Variants in VSX2 observed in about 807,000 individuals in gnomAD.
The protein encoded by VSX2 is ceh-10 homeo domain containing homolog.
A neutral mutation model predicts 32.1 loss-of-function variants in VSX2; 28 were observed. The ratio of observed to expected loss-of-function variants is 0.87; its 90% CI spans 0.65 to 1.20. The LOEUF (loss-of-function observed/expected upper bound fraction) is 1.20. Ranked by LOEUF, VSX2 falls within the 50% of genes most tolerant of loss-of-function variation. The pLI, the probability that VSX2 is intolerant of heterozygous loss-of-function variation, is 0.00. For missense variants in VSX2, 506 were observed against 488.7 expected, an observed-to-expected ratio of 1.04 and a Z score of -0.33; for synonymous variants, 243 against 214.1, an observed-to-expected ratio of 1.14 and a Z score of -1.18.
chr14:74,258,462 C>T (rs1356168957), intron 3 of VSX2, among the ~76,000 whole-genome samples: 2 of 152,114 alleles, frequency 1.3e-5, no homozygotes, highest in Non-Finnish European at 2.9e-5. Flanking sequence ...AGGAAATGAA[C>T]AGATTTCCCA....
chr14:74,259,694 C>T lies in VSX2; in HGVS notation c.672C>T (p.Ala224=). The T allele has an allele frequency of 6.2e-7, 1 of 1,614,086 alleles. No homozygotes were observed. Among genetic ancestry groups the T allele is most frequent in the South Asian group, 1.1e-5 (1 of 91,072 alleles). Residue 224 remains alanine (A), a synonymous_variant, in exon 4 of 5, where the codon GCC becomes GCT. Coordinates refer to ENST00000261980, the MANE Select transcript of VSX2 (RefSeq NM_182894.3). ...TGGCGGAGTATGGGCTCTACGGGGC[C>T]ATGGTGCGGCACTCCATCCCCCTGC... ...SVMAEYGLYG[A]MVRHSIPLPE...
At chr14:74,249,146 C>T (rs2079214024) in intron 3 of VSX2, among the ~76,000 whole-genome samples, 1 of 152,220 alleles carries the variant, frequency 6.6e-6, no homozygotes. Context: ...TGAAATTACT[C>T]ATTTGTAAGA....
chr14:74,254,940 C>T (rs951597655), intron 3 of VSX2, among the ~76,000 whole-genome samples: 8 of 152,022 alleles, frequency 5.3e-5, no homozygotes, highest in African/African-American at 9.7e-5. Context: ...CCACCACACC[C>T]GGCTAATTTT....
intron 3 of VSX2, among the ~76,000 whole-genome samples, chr14:74,250,704 A>AT (rs398118379): frequency 0.37 from 56,293 of 150,424 alleles, 12,993 homozygotes; most frequent in Non-Finnish European, 0.51. Flanking sequence ...ACCAGGGCAG[A>AT]TTTTTTTTTT....
chr14:74,261,169 C>T lies in VSX2; in HGVS notation c.*250C>T, dbSNP rs144569223. Reference sequence around the variant, plus strand: ...TCAGAAGCCTTCTTGCTGCCCACAACGTCCCCTCAAGCCCCTTCTCTCAAT... The same window carrying T: ...TCAGAAGCCTTCTTGCTGCCCACAATGTCCCCTCAAGCCCCTTCTCTCAAT... On this transcript the variant is annotated 3_prime_UTR_variant, in exon 5 of 5. Transcript: ENST00000261980. The T allele has an allele frequency of 3.0e-3, 1,677 of 560,628 alleles. 19 individuals are homozygous for T. The highest frequency in any genetic ancestry group is 0.025 in the Middle Eastern group (54 of 2,134). 34.7% of individuals were successfully genotyped at this position (560,628 alleles called of 1,614,324 possible).
chr14:74,247,228 C>T (rs1391548283), intron 3 of VSX2, among the ~76,000 whole-genome samples: 1 of 152,194 alleles, frequency 6.6e-6, no homozygotes, highest in African/African-American at 2.4e-5. Context: ...GCATCAATAG[C>T]AGTCACAGCG....
rs1305706123 is a variant in VSX2, at chr14:74,261,415, C to A, written c.*496C>A. On this transcript the variant is annotated 3_prime_UTR_variant, in exon 5 of 5. Coordinates refer to ENST00000261980, the MANE Select transcript of VSX2 (RefSeq NM_182894.3). The stretch of plus-strand genomic sequence containing the variant: ...CTCCTCAGTAAAAGTCTTCTCCCAA[C>A]TCAGCCTGTTCCTTCCTGCAGACCT... 3 of 167,214 alleles carry A rather than the reference C, an allele frequency of 1.8e-5. No individual in the cohort carries two copies. Among genetic ancestry groups the A allele is most frequent in the African/African-American group, 7.2e-5 (3 of 41,952 alleles). The allele number at this position is 167,214 out of a possible 1,614,324, so 10.4% of individuals were successfully genotyped here.
At chr14:74,253,913 A>G (rs1276328772) in intron 3 of VSX2, among the ~76,000 whole-genome samples, 2 of 151,156 alleles carry the variant, frequency 1.3e-5, no homozygotes, top group Non-Finnish European at 3.0e-5. Context: ...CTGGGCAACA[A>G]GAGCGAAAAT....
chr14:74,241,235 C>T lies in VSX2; in HGVS notation c.424C>T (p.Gln142Ter). 2.5e-6 allele frequency: 4 copies of T among 1,613,414 alleles called. No individual in the cohort carries two copies. Among genetic ancestry groups the T allele is most frequent in the Non-Finnish European group, 3.4e-6 (4 of 1,180,002 alleles). Reference sequence around the variant, plus strand: ...AAAAATGTCCAAATCTGCTTTAAACCAGACCAAGAAACGGAAGAAGCGGCG... The same window carrying T: ...AAAAATGTCCAAATCTGCTTTAAACTAGACCAAGAAACGGAAGAAGCGGCG... ...DRKMSKSALN[Q>*]TKKRKKRRHR... is the part of the protein sequence containing the mutation. Residue 142 changes from glutamine to a stop codon, truncating the protein, a stop_gained, in exon 2 of 5, where the codon CAG (glutamine) becomes TAG (stop). Coordinates refer to ENST00000261980, the MANE Select transcript of VSX2 (RefSeq NM_182894.3). LOFTEE classifies it high-confidence loss of function.
chr14:74,252,250 T>C (rs2079233594), intron 3 of VSX2, among the ~76,000 whole-genome samples: 1 of 152,198 alleles, frequency 6.6e-6, no homozygotes, highest in African/African-American at 2.4e-5. Context: ...AGCTGTGCCT[T>C]TGCATCCACT....
In VSX2 at chr14:74,244,945, A is replaced by AGTGTGT. The variant is rs59905689; in HGVS notation, c.456-188_456-183dup. 2.6e-3 allele frequency among the ~76,000 whole-genome samples: 159 copies of AGTGTGT among 60,118 alleles called. 8 individuals carry two copies. Among genetic ancestry groups the AGTGTGT allele is most frequent in the Non-Finnish European group, 4.1e-3 (127 of 30,698 alleles). The allele number at this position is 60,118 out of a possible 152,430, so 39.4% of individuals were successfully genotyped here. A position where few individuals can be genotyped will look rare whatever the true frequency, so the allele number is the denominator to read the frequency against. ...GTGTGTGTGTGAAAGAGAGAGAGAA[A>AGTGTGT]GTGTGTGTGTGTGTGTGTGTGTGTG... On this transcript the variant is annotated intron_variant, in intron 2 of 4. Transcript: ENST00000261980.
chr14:74,258,690 C>G (rs1194036094), intron 3 of VSX2, among the ~76,000 whole-genome samples: 1 of 152,118 alleles, frequency 6.6e-6, no homozygotes, highest in East Asian at 1.9e-4. Context: ...CTCTGGGGGA[C>G]CAAGAAATGT....
chr14:74,239,975 A>G, intron 1 of VSX2, 44 bp downstream of exon 1: 1 of 1,541,006 alleles, frequency 6.5e-7, no homozygotes. Flanking sequence ...GGGGGGCGAC[A>G]GCCGGGAGCC....
intron 3 of VSX2, among the ~76,000 whole-genome samples, chr14:74,249,427 T>C (rs56404666): frequency 0.38 from 57,194 of 151,990 alleles, 13,375 homozygotes; most frequent in Non-Finnish European, 0.51. Flanking sequence ...CCCACCACCA[T>C]GCCTGGCTAA....
intron 1 of VSX2, among the ~76,000 whole-genome samples, chr14:74,240,509 GGAC>G (rs143311343): frequency 0.012 from 1,801 of 152,272 alleles, 35 homozygotes; most frequent in African/African-American, 0.041. Context: ...TGGAGCCCGG[GGAC>G]GCGCGGGCTC....
chr14:74,259,963 C>T (rs749033024), intron 4 of VSX2, among the ~76,000 whole-genome samples, 181 bp downstream of exon 4: 1 of 152,176 alleles, frequency 6.6e-6, no homozygotes, highest in African/African-American at 2.4e-5. Context: ...GGCCTGGGGC[C>T]TGGTGTCTGT....
rs147024909 is a variant in VSX2, at chr14:74,241,940, G to GGTTTT, written c.455+700_455+704dup. On this transcript the variant is annotated intron_variant, in intron 2 of 4. Transcript: ENST00000261980. ...CTGCATCGGGGTACAGACTAGAAAG[G>GGTTTT]GTTTTGTTTTGTTTTGTTTTGTTTT... 7.7e-3 allele frequency among the ~76,000 whole-genome samples: 1,167 copies of GGTTTT among 152,146 alleles called. 8 individuals carry two copies. Among genetic ancestry groups the GGTTTT allele is most frequent in the African/African-American group, 0.025 (1,041 of 41,484 alleles).
rs2079308480 is a variant in VSX2, at chr14:74,261,619, C to G, written c.*700C>G. On this transcript the variant is annotated 3_prime_UTR_variant, in exon 5 of 5. Coordinates refer to ENST00000261980, the MANE Select transcript of VSX2 (RefSeq NM_182894.3). ...GGTCACCCTCAGGAACCCACCCTCT[C>G]CACACCCAGCCTGTCCCACTGGCTC... is the stretch of plus-strand genomic sequence containing the variant. The G allele has an allele frequency of 6.5e-6, 1 of 153,126 alleles. No individual in the cohort carries two copies. The highest frequency in any genetic ancestry group is 2.4e-5 in the African/African-American group (1 of 41,466). The allele number at this position is 153,126 out of a possible 1,614,324, so 9.5% of individuals were successfully genotyped here.
chr14:74,254,931 C>G, intron 3 of VSX2, among the ~76,000 whole-genome samples: 1 of 151,978 alleles, frequency 6.6e-6, no homozygotes, highest in East Asian at 1.9e-4. Context: ...AGGCGCCCCC[C>G]ACCACACCCG....
Sources: allele counts gnomAD v4.1 joint callset (sites outside exome capture counted in the v4.1 genomes callset), GRCh38; gene constraint gnomAD v4.1.1; transcripts MANE v1.5; gene names NCBI Gene and HGNC (gene_info 2026-07-23, HGNC 2026-07-21).